The following RAB3C variants were observed in gnomAD, a reference collection of about 807,000 sequenced individuals.
The protein encoded by RAB3C is RAB3C, member RAS oncogene family.
A neutral mutation model predicts 26.4 loss-of-function variants in RAB3C; 17 were observed. The ratio of observed to expected loss-of-function variants is 0.64; its 90% CI spans 0.44 to 0.97. The LOEUF is 0.97. Ranked by LOEUF, RAB3C falls within the 50% of genes least tolerant of loss-of-function variation. RAB3C has a pLI of 0.00. For missense variants in RAB3C, 242 were observed against 281.9 expected, an observed-to-expected ratio of 0.86 and a Z score of 1.01; for synonymous variants, 91 against 95.9, an observed-to-expected ratio of 0.95 and a Z score of 0.30.
intron 3 of RAB3C, among the ~76,000 whole-genome samples, chr5:58,811,266 T>C (rs10472074): frequency 0.17 from 26,286 of 152,086 alleles, 4,010 homozygotes; most frequent in African/African-American, 0.41. Context: ...TTTCCTGAGG[T>C]CAGAGTTCTC....
chr5:58,778,286 C>G (rs1289747399), intron 3 of RAB3C, among the ~76,000 whole-genome samples: 1 of 152,156 alleles, frequency 6.6e-6, no homozygotes, highest in Non-Finnish European at 1.5e-5. Flanking sequence ...TCCTCAGCTA[C>G]ATTTCAACAA....
At chr5:58,584,930 T>A (rs945825555) in intron 1 of RAB3C, among the ~76,000 whole-genome samples, 2 of 152,102 alleles carry the variant, frequency 1.3e-5, no homozygotes, top group Non-Finnish European at 2.9e-5. Flanking sequence ...AAAATTATTT[T>A]TTGTGTTCAC....
intron 2 of RAB3C, among the ~76,000 whole-genome samples, chr5:58,668,740 T>C (rs1433421807): frequency 2.0e-5 from 3 of 152,180 alleles, no homozygotes; most frequent in South Asian, 2.1e-4. Context: ...TTTTTTTTTC[T>C]AGTACCTAAG....
intron 2 of RAB3C, among the ~76,000 whole-genome samples, chr5:58,645,171 G>T (rs1453496420): frequency 6.6e-6 from 1 of 152,146 alleles, no homozygotes; most frequent in Non-Finnish European, 1.5e-5. Context: ...GATCATTCAG[G>T]GTCAAATGAG....
intron 1 of RAB3C, among the ~76,000 whole-genome samples, chr5:58,606,774 G>A (rs530312452): frequency 1.8e-4 from 27 of 152,198 alleles, no homozygotes; most frequent in African/African-American, 5.5e-4. Context: ...AGGCAAACAC[G>A]GTCTGGAGTA....
chr5:58,851,777 C>G lies in RAB3C; in HGVS notation c.*426C>G, dbSNP rs1023776702. On this transcript the variant is annotated 3_prime_UTR_variant, in exon 5 of 5. Coordinates refer to ENST00000282878, the MANE Select transcript of RAB3C (RefSeq NM_138453.4). The stretch of plus-strand genomic sequence containing the variant: ...GTGTGTGTGTGTGTGCACGCATGCC[C>G]GCATGCGTGCAGAGGAAGAAGTCAC... 1 of 154,226 alleles carries G rather than the reference C, an allele frequency of 6.5e-6. No individual in the cohort carries two copies. Among genetic ancestry groups the G allele is most frequent in the African/African-American group, 2.4e-5 (1 of 41,328 alleles). The allele number at this position is 154,226 out of a possible 1,614,324, so 9.6% of individuals were successfully genotyped here.
intron 3 of RAB3C, among the ~76,000 whole-genome samples, chr5:58,800,347 C>T (rs1409633423): frequency 1.3e-5 from 2 of 152,272 alleles, no homozygotes; most frequent in East Asian, 1.9e-4. Flanking sequence ...GTGATTTAGG[C>T]AGGCAGGAGG....
At chr5:58,612,048 C>T (rs183660762) in intron 1 of RAB3C, among the ~76,000 whole-genome samples, 54 of 151,882 alleles carry the variant, frequency 3.6e-4, no homozygotes, top group African/African-American at 1.1e-3. Flanking sequence ...TGTAGGTGTG[C>T]GGTCTTATTT....
At chr5:58,656,975 G>A (rs1747788720) in intron 2 of RAB3C, among the ~76,000 whole-genome samples, 1 of 152,082 alleles carries the variant, frequency 6.6e-6, no homozygotes, top group Admixed American at 6.6e-5. Context: ...CAAAATCGTG[G>A]AACCAACTCA....
intron 3 of RAB3C, among the ~76,000 whole-genome samples, chr5:58,774,847 CTG>C (rs1354509247): frequency 6.6e-6 from 1 of 152,156 alleles, no homozygotes; most frequent in East Asian, 1.9e-4. Context: ...GCAAAGGAGA[CTG>C]TGTGGCAGGA....
At chr5:58,624,593 T>A (rs1747013576) in intron 2 of RAB3C, among the ~76,000 whole-genome samples, 1 of 152,208 alleles carries the variant, frequency 6.6e-6, no homozygotes, top group African/African-American at 2.4e-5. Context: ...TAATCTTTAA[T>A]CAGCTTCATG....
At chr5:58,696,286 G>A (rs565854212) in intron 2 of RAB3C, among the ~76,000 whole-genome samples, 2 of 152,326 alleles carry the variant, frequency 1.3e-5, no homozygotes, top group Non-Finnish European at 2.9e-5. Context: ...CTTGATCGTG[G>A]TGGATAAGCT....
intron 1 of RAB3C, among the ~76,000 whole-genome samples, chr5:58,584,720 T>A (rs552647439): frequency 1.3e-5 from 2 of 152,246 alleles, no homozygotes; most frequent in East Asian, 3.9e-4. Context: ...AAAAAAGATT[T>A]CCAAGAATTT....
chr5:58,659,524 CT>C (rs1747853513), intron 2 of RAB3C, among the ~76,000 whole-genome samples: 1 of 152,032 alleles, frequency 6.6e-6, no homozygotes, highest in African/African-American at 2.4e-5. Context: ...GACTTCATTG[CT>C]TTTCTAAGTA....
At chr5:58,671,120 A>G (rs371192675) in intron 2 of RAB3C, among the ~76,000 whole-genome samples, 1 of 152,170 alleles carries the variant, frequency 6.6e-6, no homozygotes. Flanking sequence ...ATGATTTATC[A>G]TCATGGCTGA....
At chr5:58,594,777 A>C (rs532819663) in intron 1 of RAB3C, among the ~76,000 whole-genome samples, 1 of 151,038 alleles carries the variant, frequency 6.6e-6, no homozygotes, top group African/African-American at 2.4e-5. Flanking sequence ...TATTTTTTAA[A>C]TGTTTAGTGT....
intron 3 of RAB3C, among the ~76,000 whole-genome samples, chr5:58,755,453 G>A (rs551453585): frequency 2.0e-5 from 3 of 152,238 alleles, no homozygotes; most frequent in African/African-American, 2.4e-5. Context: ...TGTAAGTCAC[G>A]CCTGATAATC....
chr5:58,734,995 A>C (rs936992160), intron 3 of RAB3C, among the ~76,000 whole-genome samples: 4 of 152,210 alleles, frequency 2.6e-5, no homozygotes, highest in Admixed American at 1.3e-4. Flanking sequence ...TACCTTATTT[A>C]ATATATACAG....
intron 2 of RAB3C, among the ~76,000 whole-genome samples, chr5:58,658,608 A>G (rs996909832): frequency 2.0e-5 from 3 of 152,196 alleles, no homozygotes; most frequent in African/African-American, 7.2e-5. Flanking sequence ...GTGGCGTAAA[A>G]TGACAATTTC....
Sources: gnomAD v4.1 joint callset for allele counts (sites outside exome capture counted in the v4.1 genomes callset) on GRCh38, gnomAD v4.1.1 for gene constraint, MANE v1.5 for transcripts, NCBI Gene and HGNC (gene_info 2026-07-23, HGNC 2026-07-21) for gene names.